ARHGAP24: variants seen among roughly 807,000 people sequenced by gnomAD.
ARHGAP24 encodes the protein Rho GTPase activating protein 24.
A neutral mutation model predicts 76.4 loss-of-function variants in ARHGAP24; 50 were observed. The observed-to-expected ratio is 0.65, with a 90% CI of 0.52 to 0.83. The LOEUF (loss-of-function observed/expected upper bound fraction) is 0.83, where lower values mean the gene tolerates loss of function less well. Among genes scored for constraint, ARHGAP24 ranks in the 40% least tolerant of loss-of-function variants. The pLI is 0.00. For synonymous variants in ARHGAP24, 345 were observed against 323.3 expected (o/e 1.07, Z -0.72); for missense variants, 930 against 914.2 (o/e 1.02, Z -0.22).
intron 3 of ARHGAP24, among the ~76,000 whole-genome samples, chr4:85,783,712 G>A (rs558680086): frequency 2.6e-5 from 4 of 151,602 alleles, no homozygotes; most frequent in East Asian, 1.9e-4. Context: ...AAACAGTCAC[G>A]ATTCCATGCC....
At chr4:85,548,975 G>A (rs554611248) in intron 1 of ARHGAP24, among the ~76,000 whole-genome samples, 1 of 152,106 alleles carries the variant, frequency 6.6e-6, no homozygotes, top group Admixed American at 6.5e-5. Context: ...ATTTATACAT[G>A]TTGTTATATG....
chr4:85,753,314 C>T (rs1012768675), intron 3 of ARHGAP24, among the ~76,000 whole-genome samples: 2 of 151,928 alleles, frequency 1.3e-5, no homozygotes, highest in African/African-American at 2.4e-5. Flanking sequence ...GACTTGGTAC[C>T]ATTAGAAATG....
intron 2 of ARHGAP24, among the ~76,000 whole-genome samples, chr4:85,664,110 G>T (rs1470798856): frequency 6.6e-6 from 1 of 151,364 alleles, no homozygotes; most frequent in Non-Finnish European, 1.5e-5. Context: ...TTGTACCTCT[G>T]GTAGAATTCG....
rs545475992 is a variant in ARHGAP24 at position 85,793,414 on chromosome 4, G to C, written c.268+71442G>C. 2.0e-4 allele frequency among the ~76,000 whole-genome samples: 30 copies of C among 152,164 alleles called. No homozygotes were observed. In the South Asian group the frequency reaches 4.1e-3, roughly 21 times the overall value. ...CTGGCCATGGTTTTGAAATAGTGGG[G>C]CTGGTAAGTTACTAAGCTCCTAAAA... On this transcript the variant is annotated intron_variant, in intron 3 of 9. Transcript: ENST00000395184.
chr4:85,869,010 G>A (rs998010563), intron 3 of ARHGAP24, among the ~76,000 whole-genome samples: 1 of 151,336 alleles, frequency 6.6e-6, no homozygotes. Context: ...TTTGATACAT[G>A]TACAACTATG....
intron 8 of ARHGAP24, among the ~76,000 whole-genome samples, chr4:85,987,756 G>C (rs1386850999): frequency 6.6e-6 from 1 of 151,804 alleles, no homozygotes; most frequent in African/African-American, 2.4e-5. Context: ...CTTCATAAGA[G>C]AAACTATCAT....
rs139273850 is a variant in ARHGAP24 at position 85,507,204 on chromosome 4, T to C, written c.-21+31645T>C. Among the ~76,000 whole-genome samples the C allele has an allele frequency of 7.5e-3, 1,134 of 152,188 alleles. 7 individuals carry two copies. The highest frequency in any genetic ancestry group is 0.026 in the African/African-American group (1,081 of 41,532). ...TCACTTTCCTCTATTTACTTGTCTT[T>C]TAAAAATATTTTATTATTATTATTA... On this transcript the variant is annotated intron_variant, in intron 1 of 9. Coordinates refer to ENST00000395184, the MANE Select transcript of ARHGAP24 (RefSeq NM_001025616.3).
Position 85,693,905 on chromosome 4 carries a change from T to C in ARHGAP24, c.181-27980T>C, listed in dbSNP as rs1208157505. Among the ~76,000 whole-genome samples, 3 of 152,078 alleles carry C rather than the reference T, an allele frequency of 2.0e-5. No homozygotes were observed. The East Asian group carries it at 5.8e-4, about 29-fold the overall frequency. On this transcript the variant is annotated intron_variant, in intron 2 of 9. Transcript: ENST00000395184. ...TGTCTCTGCCTACTCTCCAGGCAGA[T>C]TTGCCTCCCAACTCAAATGTTTATG...
At chr4:85,593,395 A>G (rs892300782) in intron 2 of ARHGAP24, among the ~76,000 whole-genome samples, 2 of 152,024 alleles carry the variant, frequency 1.3e-5, no homozygotes, top group African/African-American at 4.8e-5. Flanking sequence ...ATTTTCCCCC[A>G]TTCTGTGGGT....
intron 3 of ARHGAP24, among the ~76,000 whole-genome samples, chr4:85,886,078 A>C (rs1560695890): frequency 6.6e-6 from 1 of 152,156 alleles, no homozygotes; most frequent in Non-Finnish European, 1.5e-5. Flanking sequence ...TACCTTGAAG[A>C]GATTGTATCC....
At chr4:85,848,132 AAT>A (rs564983839) in intron 3 of ARHGAP24, among the ~76,000 whole-genome samples, 154 of 151,954 alleles carry the variant, frequency 1.0e-3, no homozygotes, top group African/African-American at 3.7e-3. Context: ...CCCATTTGTT[AAT>A]ATGAGATACA....
intron 3 of ARHGAP24, among the ~76,000 whole-genome samples, chr4:85,808,807 AAAT>A (rs775735116): frequency 7.9e-5 from 12 of 152,078 alleles, no homozygotes; most frequent in Middle Eastern, 6.8e-3. Flanking sequence ...TTATAAAAGA[AAAT>A]AACCCAAAAG....
In ARHGAP24 at chr4:85,992,850, T is replaced by C. The variant is rs138990889; in HGVS notation, c.929-1733T>C. Reference sequence around the variant, plus strand: ...TCTGTAATAATTGATGGTAATTCAATAGATATTTATCTTTATCTAACTTTA... The same window carrying C: ...TCTGTAATAATTGATGGTAATTCAACAGATATTTATCTTTATCTAACTTTA... On this transcript the variant is annotated intron_variant, in intron 8 of 9. Coordinates refer to ENST00000395184, the MANE Select transcript of ARHGAP24 (RefSeq NM_001025616.3). 5.5e-4 allele frequency among the ~76,000 whole-genome samples: 84 copies of C among 152,318 alleles called. 1 individual carries two copies. Among genetic ancestry groups the C allele is most frequent in the African/African-American group, 1.9e-3 (79 of 41,574 alleles).
At chr4:85,518,348 C>A (rs1724595807) in intron 1 of ARHGAP24, among the ~76,000 whole-genome samples, 1 of 144,752 alleles carries the variant, frequency 6.9e-6, no homozygotes, top group South Asian at 2.1e-4. Context: ...TTTGTTATTT[C>A]TTTTTTTAAA....
chr4:85,801,072 G>T (rs1346278680), intron 3 of ARHGAP24, among the ~76,000 whole-genome samples: 1 of 152,088 alleles, frequency 6.6e-6, no homozygotes, highest in Non-Finnish European at 1.5e-5. Flanking sequence ...ACTATGGATG[G>T]TTATGTCTCA....
chr4:85,949,736 G>A (rs1737495544), intron 5 of ARHGAP24, among the ~76,000 whole-genome samples: 1 of 152,126 alleles, frequency 6.6e-6, no homozygotes, highest in Admixed American at 6.5e-5. Context: ...CTTAAAAAGG[G>A]GAGAAAGCTG....
chr4:85,722,021 A>G, intron 3 of ARHGAP24, 49 bp downstream of exon 3: 2 of 1,526,140 alleles, frequency 1.3e-6, no homozygotes, highest in Non-Finnish European at 1.8e-6. Flanking sequence ...CTGTGTTGGT[A>G]AAGGTGAAGA....
At chr4:85,483,012 T>G (rs1336763588) in intron 1 of ARHGAP24, among the ~76,000 whole-genome samples, 1 of 152,198 alleles carries the variant, frequency 6.6e-6, no homozygotes, top group Non-Finnish European at 1.5e-5. Flanking sequence ...TTCACCGATT[T>G]TAACTACAGT....
chr4:85,926,663 C>T (rs1267533420), intron 4 of ARHGAP24, among the ~76,000 whole-genome samples: 4 of 152,086 alleles, frequency 2.6e-5, no homozygotes, highest in Non-Finnish European at 5.9e-5. Flanking sequence ...AACCCTTTTA[C>T]TTATGTTACA....
Sources: allele counts gnomAD v4.1 joint callset (sites outside exome capture counted in the v4.1 genomes callset), GRCh38; gene constraint gnomAD v4.1.1; transcripts MANE v1.5; gene names NCBI Gene and HGNC (gene_info 2026-07-23, HGNC 2026-07-21).